ABCC11: variants seen among roughly 807,000 people sequenced by gnomAD.
ABCC11 encodes the protein ATP binding cassette subfamily C member 11.
Under a neutral mutation model 149.3 loss-of-function variants are expected in ABCC11, and 135 were observed. That is an observed-to-expected ratio of 0.90 (90% CI 0.79 to 1.04). The LOEUF is 1.04. Ranked by LOEUF, ABCC11 falls within the 50% of genes least tolerant of loss-of-function variation. The pLI is 0.00. For synonymous variants in ABCC11, 665 were observed against 671.4 expected (o/e 0.99, Z 0.15); for missense variants, 1,680 against 1,722.1 (o/e 0.98, Z 0.43).
rs1317719367 is a variant in ABCC11 at position 48,173,645 on chromosome 16, GAC to G, written c.3698+1611_3698+1612del. ...TGTGTGGGGGCGGGGAAGGTTTTGA[GAC>G]AGAGTTTCCTTCAGTCACCCAGGCT... On this transcript the variant is annotated intron_variant, in intron 26 of 29. Coordinates refer to ENST00000356608, the MANE Select transcript of ABCC11 (RefSeq NM_001370497.1). Among the ~76,000 whole-genome samples, 8 of 152,278 alleles carry G rather than the reference GAC, an allele frequency of 5.3e-5. No homozygotes were observed. The East Asian group carries it at 1.5e-3, about 29-fold the overall frequency.
chr16:48,232,183 C>G, intron 1 of ABCC11: 1 of 785,680 alleles, frequency 1.3e-6, no homozygotes, highest in South Asian at 3.0e-5. Flanking sequence ...CCCCAACCCA[C>G]CCCCAACACC....
intron 15 of ABCC11, 97 bp from the exon 16 acceptor site, chr16:48,198,372 A>G (rs921459826): frequency 3.9e-6 from 5 of 1,275,746 alleles, no homozygotes; most frequent in Middle Eastern, 5.0e-4. Context: ...CCATGATAAA[A>G]TATTATTTCA....
chr16:48,222,957 T>G, intron 5 of ABCC11, 126 bp from the exon 6 acceptor site: 1 of 796,086 alleles, frequency 1.3e-6, no homozygotes, highest in South Asian at 1.8e-5. Flanking sequence ...CAAAACTGAC[T>G]CAAGTACAAT....
At chr16:48,231,680 A>C in intron 2 of ABCC11, 143 bp downstream of exon 2, 1 of 1,072,864 alleles carries the variant, frequency 9.3e-7, no homozygotes, top group Non-Finnish European at 1.3e-6. Context: ...AAAAAAAGAG[A>C]GAGAGAGAGA....
chr16:48,196,140 T>C (rs188492508), intron 18 of ABCC11, 92 bp downstream of exon 18: 2 of 1,322,058 alleles, frequency 1.5e-6, no homozygotes, highest in Admixed American at 1.9e-5. Context: ...TGGACCTCTC[T>C]ACTTCACATG....
At chr16:48,225,192 G>A (rs7185951) in intron 4 of ABCC11, among the ~76,000 whole-genome samples, 22,531 of 152,024 alleles carry the variant, frequency 0.15, 2,305 homozygotes, top group African/African-American at 0.29. Context: ...CAGCCTGGGC[G>A]ACAGAGCGAT....
chr16:48,202,985 G>T (rs1301902134), intron 14 of ABCC11, among the ~76,000 whole-genome samples: 6 of 152,210 alleles, frequency 3.9e-5, no homozygotes, highest in Non-Finnish European at 7.3e-5. Flanking sequence ...AGAAGAAGGA[G>T]CTTGAGGTCA....
chr16:48,216,303 T>C lies in ABCC11; in HGVS notation c.778-16A>G. The C allele has an allele frequency of 6.2e-7, 1 of 1,610,840 alleles. No individual in the cohort carries two copies. Among genetic ancestry groups the C allele is most frequent in the Non-Finnish European group, 8.5e-7 (1 of 1,178,848 alleles). ...AGCTGATGGCCTGCAAGACAGCAAG[T>C]TGATGGGCACAGATGTCACCTCCCT... On this transcript the variant is annotated splice_polypyrimidine_tract_variant and intron_variant, in intron 6 of 29. Transcript: ENST00000356608.
chr16:48,175,375 G>A lies in ABCC11; in HGVS notation c.3581C>T (p.Pro1194Leu), dbSNP rs201439095. 1.1e-5 allele frequency: 18 copies of A among 1,613,538 alleles called. No homozygotes were observed. The highest frequency in any genetic ancestry group is 1.5e-5 in the Non-Finnish European group (18 of 1,179,566). Reference sequence around the variant, plus strand: ...GTCAATGAGAATCCGGCCTGCCATGGGCTCCACCAGGCGGAAGAGAGCCAT... The same window carrying A: ...GTCAATGAGAATCCGGCCTGCCATGAGCTCCACCAGGCGGAAGAGAGCCAT... ...LGMALFRLVE[P>L]MAGRILIDGV... Residue 1194 changes from proline to leucine, a missense_variant, in exon 26 of 30, where the codon CCC (proline) becomes CTC (leucine). Transcript: ENST00000356608.
chr16:48,238,269 T>A (rs1970780905), intron 1 of ABCC11, among the ~76,000 whole-genome samples: 1 of 152,178 alleles, frequency 6.6e-6, no homozygotes, highest in Non-Finnish European at 1.5e-5. Flanking sequence ...TAACCTGATT[T>A]CTCTTTCCCT....
intron 1 of ABCC11, among the ~76,000 whole-genome samples, chr16:48,241,692 CAG>C: frequency 6.6e-6 from 1 of 152,282 alleles, no homozygotes; most frequent in Middle Eastern, 3.4e-3. Flanking sequence ...GGTACCAAAA[CAG>C]AGATATAGAC....
At chr16:48,214,193 G>A (rs988191697) in intron 9 of ABCC11, among the ~76,000 whole-genome samples, 3 of 151,918 alleles carry the variant, frequency 2.0e-5, no homozygotes, top group Non-Finnish European at 4.4e-5. Context: ...GTCTAGACCT[G>A]CCTTGTGTCA....
intron 15 of ABCC11, 86 bp downstream of exon 15, chr16:48,200,190 G>A: frequency 7.1e-6 from 10 of 1,399,474 alleles, no homozygotes; most frequent in Non-Finnish European, 9.9e-6. Flanking sequence ...CTGGGAGGCT[G>A]TTATTGAATC....
In ABCC11 at chr16:48,214,870, C is replaced by A. The variant is rs763375872; in HGVS notation, c.1248+11G>T. 6.2e-7 allele frequency: 1 copy of A among 1,613,852 alleles called. No homozygotes were observed. The highest frequency in any genetic ancestry group is 2.2e-5 in the East Asian group (1 of 44,892). ...ATGATGGGGAGAAAACAAAGCCCCC[C>A]AAACCCTTACCATTGACGCTGTGAG... On this transcript the variant is annotated intron_variant, in intron 9 of 29. Coordinates refer to ENST00000356608, the MANE Select transcript of ABCC11 (RefSeq NM_001370497.1).
chr16:48,239,142 C>A (rs1970833878), intron 1 of ABCC11, among the ~76,000 whole-genome samples: 1 of 152,076 alleles, frequency 6.6e-6, no homozygotes, highest in Non-Finnish European at 1.5e-5. Context: ...GGAAAGGATT[C>A]CCAATTTAAT....
At chr16:48,189,695 C>T (rs989138825) in intron 20 of ABCC11, among the ~76,000 whole-genome samples, 1 of 152,174 alleles carries the variant, frequency 6.6e-6, no homozygotes, top group Admixed American at 6.5e-5. Flanking sequence ...AACTCAGAGA[C>T]CACCTTGAGG....
chr16:48,211,250 A>G (rs747190062), intron 10 of ABCC11, 51 bp from the exon 11 acceptor site: 25 of 1,582,946 alleles, frequency 1.6e-5, no homozygotes, highest in Non-Finnish European at 2.1e-5. Context: ...TCTTTAGTTC[A>G]GCAGGAATGT....
At chr16:48,203,807 T>C (rs968946633) in intron 13 of ABCC11, among the ~76,000 whole-genome samples, 6 of 152,126 alleles carry the variant, frequency 3.9e-5, no homozygotes, top group Non-Finnish European at 5.9e-5. Context: ...GGCGGAAAGG[T>C]TGCAGTAAGC....
chr16:48,198,685 T>C (rs78927648), intron 15 of ABCC11, among the ~76,000 whole-genome samples: 3,103 of 151,644 alleles, frequency 0.02, 109 homozygotes, highest in African/African-American at 0.072. Flanking sequence ...CAACTGTTCA[T>C]CTTGGAGAAA....
Sources: gnomAD v4.1 joint callset for allele counts (sites outside exome capture counted in the v4.1 genomes callset) on GRCh38, gnomAD v4.1.1 for gene constraint, MANE v1.5 for transcripts, NCBI Gene and HGNC (gene_info 2026-07-23, HGNC 2026-07-21) for gene names.